Variants in EP400 observed in about 807,000 individuals in gnomAD.
The protein encoded by EP400 is E1A-binding protein p400.
Under a neutral mutation model 354.1 loss-of-function variants are expected in EP400, and 105 were observed. The observed-to-expected ratio is 0.30, with a 90% CI of 0.25 to 0.35. The LOEUF is 0.35. Ranked by LOEUF, EP400 falls within the 10% of genes least tolerant of loss-of-function variation. The probability of loss-of-function intolerance (pLI) is 1.00; values close to 1 mark genes in which losing one functional copy is unlikely to be tolerated. For synonymous variants in EP400, 1,646 were observed against 1,716.9 expected, an observed-to-expected ratio of 0.96 and a Z score of 1.02; for missense variants, 3,280 against 4,121.0, an observed-to-expected ratio of 0.80 and a Z score of 5.59.
intron 2 of EP400, among the ~76,000 whole-genome samples, chr12:131,970,030 G>C (rs891808913): frequency 3.9e-5 from 6 of 152,170 alleles, no homozygotes; most frequent in Non-Finnish European, 5.9e-5. Flanking sequence ...TTGGGTGACA[G>C]AGCAAAACTC....
chr12:131,997,399 G>T (rs1040631074), intron 12 of EP400, among the ~76,000 whole-genome samples: 2 of 151,722 alleles, frequency 1.3e-5, no homozygotes, highest in Admixed American at 6.6e-5. Context: ...CTCCCAAGTA[G>T]CTGGGACTAT....
chr12:132,059,192 A>C (rs1224279477), intron 45 of EP400, among the ~76,000 whole-genome samples: 4 of 152,190 alleles, frequency 2.6e-5, no homozygotes, highest in Non-Finnish European at 5.9e-5. Flanking sequence ...CTTGAATTCA[A>C]GTCCAAGGCT....
At chr12:132,073,307 C>T (rs947292237) in intron 51 of EP400, among the ~76,000 whole-genome samples, 2 of 151,120 alleles carry the variant, frequency 1.3e-5, no homozygotes, top group African/African-American at 2.4e-5. Flanking sequence ...TAAGTGGTTA[C>T]CCTAAAATCT....
intron 23 of EP400, among the ~76,000 whole-genome samples, chr12:132,023,299 A>ATTTTTT (rs767816284): frequency 1.8e-4 from 13 of 71,028 alleles, no homozygotes; most frequent in South Asian, 4.7e-4. Flanking sequence ...TGCCCAGCTA[A>ATTTTTT]TTTTTTTTTT....
rs756763704 is a variant in EP400, at chr12:132,077,576, T to C, written c.9275T>C (p.Val3092Ala). 6.2e-7 allele frequency: 1 copy of C among 1,613,798 alleles called. No homozygotes were observed. The highest frequency in any genetic ancestry group is 1.1e-5 in the South Asian group (1 of 91,064). Residue 3092 changes from valine (V) to alanine (A), a missense_variant, in exon 53 of 53, where the codon GTG becomes GCG. By Grantham distance (64) the Val-to-Ala change is moderately conservative. This residue lies in a region of EP400 where 279 missense variants were observed against 386.7 expected (regional missense o/e 0.72). Coordinates refer to ENST00000389561, the MANE Select transcript of EP400 (RefSeq NM_015409.5). ...CCAGGCGCTCCCAACCCAGCCCAGG[T>C]GCCCGCCAGCTCCGACAGCCCAAGC... ...QTPGAPNPAQ[V>A]PASSDSPSQQ...
chr12:131,967,655 A>C (rs566501837), intron 2 of EP400, among the ~76,000 whole-genome samples: 6 of 151,544 alleles, frequency 4.0e-5, no homozygotes, highest in African/African-American at 9.7e-5. Flanking sequence ...GCACCACTGC[A>C]CTCTAGCCTG....
Position 132,067,562 on chromosome 12 carries a change from C to G in EP400, c.8874+76C>G, listed in dbSNP as rs1895932463. ...GGCTGCTGGAGGAGAGGGTCCTAAG[C>G]AGACAAATCCCCATGTGGCGGCTCA... On this transcript the variant is annotated intron_variant, in intron 50 of 52. Transcript: ENST00000389561. The surrounding 1 kb of genome is among the most constrained non-coding windows in gnomAD (Gnocchi z 5.3). The G allele has an allele frequency of 1.9e-6, 3 of 1,542,506 alleles. No individual in the cohort carries two copies. The South Asian group carries it at 3.6e-5, about 18-fold the overall frequency.
rs1243216822 is a variant in EP400, at chr12:132,064,857, A to G, written c.8524A>G (p.Thr2842Ala). The G allele has an allele frequency of 6.2e-7, 1 of 1,610,508 alleles. No homozygotes were observed. The change falls in exon 48 of 53, where the codon ACC becomes GCC. Residue 2842 changes from threonine (T) to alanine (A), a missense_variant. Thr to Ala is a moderately conservative substitution (Grantham distance 58). This residue lies in a region of EP400 where 279 missense variants were observed against 386.7 expected (regional missense o/e 0.72). Transcript: ENST00000389561. Reference protein sequence around the residue: ...PRPGALLTGTTVANLQVARLT... With the variant: ...PRPGALLTGTAVANLQVARLT... Reference sequence around the variant, plus strand: ...GCCTGGTGCCCTGCTGACGGGCACCACCGTGGCCAACCTCCAGGTGGCCCG... The same window carrying G: ...GCCTGGTGCCCTGCTGACGGGCACCGCCGTGGCCAACCTCCAGGTGGCCCG...
intron 32 of EP400, among the ~76,000 whole-genome samples, chr12:132,039,388 G>T (rs1894820062): frequency 6.6e-6 from 1 of 152,144 alleles, no homozygotes; most frequent in Non-Finnish European, 1.5e-5. Flanking sequence ...AGCTGCATGT[G>T]CAGGCCACGG....
chr12:132,057,046 C>T (rs1895537539), intron 45 of EP400, among the ~76,000 whole-genome samples: 1 of 152,200 alleles, frequency 6.6e-6, no homozygotes, highest in Admixed American at 6.5e-5. Flanking sequence ...GTCATGGAAG[C>T]AGCGAGGACC....
intron 5 of EP400, among the ~76,000 whole-genome samples, chr12:131,984,621 C>G (rs2136495282): frequency 6.6e-6 from 1 of 152,294 alleles, no homozygotes. Flanking sequence ...CTTAAAGCAG[C>G]TCCGTGGTTT....
At chr12:131,952,489 G>T (rs1868625995) in intron 1 of EP400, among the ~76,000 whole-genome samples, 1 of 151,762 alleles carries the variant, frequency 6.6e-6, no homozygotes, top group South Asian at 2.1e-4. Context: ...TGGAGACAGG[G>T]TCTTGCTCTG....
intron 50 of EP400, chr12:132,068,850 A>G: frequency 6.5e-6 from 1 of 152,696 alleles, no homozygotes; most frequent in Non-Finnish European, 1.5e-5. Context: ...GTCCATGGGC[A>G]GACGTGGCCA....
At position 131,986,913 on chromosome 12, in the gene EP400, A is replaced by G. The variant is rs185401885; in HGVS notation, c.2223+106A>G. On this transcript the variant is annotated intron_variant, in intron 6 of 52. Coordinates refer to ENST00000389561, the MANE Select transcript of EP400 (RefSeq NM_015409.5). ...GTAAAACCGAATGCCTGGTCAATTC[A>G]GCATGGCTTGGGAATCAGTAGACAC... 19 of 1,350,470 alleles carry G rather than the reference A, an allele frequency of 1.4e-5. No individual in the cohort carries two copies. In the African/African-American group the frequency reaches 2.6e-4, roughly 19 times the overall value. 83.7% of individuals were successfully genotyped at this position (1,350,470 alleles called of 1,614,324 possible).
chr12:132,045,001 A>G, intron 37 of EP400, 48 bp downstream of exon 37: 3 of 1,604,400 alleles, frequency 1.9e-6, no homozygotes, highest in Non-Finnish European at 1.7e-6. Flanking sequence ...CCTGGCCTGC[A>G]GAATCCCTGC....
At chr12:131,991,263 G>A (rs1040718378) in intron 9 of EP400, 144 bp from the exon 10 acceptor site, 10 of 750,278 alleles carry the variant, frequency 1.3e-5, no homozygotes, top group South Asian at 3.2e-5. Flanking sequence ...ACTGCCCTGC[G>A]TGATGATGAT....
intron 45 of EP400, among the ~76,000 whole-genome samples, chr12:132,060,242 A>G (rs1246885264): frequency 1.6e-4 from 25 of 152,174 alleles, no homozygotes; most frequent in Admixed American, 1.6e-3. Flanking sequence ...AAGACATCCT[A>G]CACACAACAT....
chr12:132,007,955 T>A (rs1259869218), intron 15 of EP400, among the ~76,000 whole-genome samples: 1 of 206 alleles, frequency 4.9e-3, no homozygotes, highest in Non-Finnish European at 7.9e-3. Context: ...CGAGGGTTCT[T>A]TTTTTTTTTG....
In EP400 at chr12:132,006,239, T is replaced by A. The variant is rs1273865765; in HGVS notation, c.3063T>A (p.Ile1021=). Residue 1021 remains isoleucine, a synonymous_variant, in exon 14 of 53, where the codon ATT becomes ATA. Transcript: ENST00000389561. Reference sequence around the variant, plus strand: ...TCGGGAAGCCAAACGCCAAGGACATTGCGGACGTCACTGCGGTGGCTGAAG... The same window carrying A: ...TCGGGAAGCCAAACGCCAAGGACATAGCGGACGTCACTGCGGTGGCTGAAG... ...MNIGKPNAKD[I]ADVTAVAEAI... is the part of the protein sequence containing the mutation. 6.2e-7 allele frequency: 1 copy of A among 1,614,104 alleles called. No homozygotes were observed. The highest frequency in any genetic ancestry group is 8.5e-7 in the Non-Finnish European group (1 of 1,180,058).
Sources: gnomAD v4.1 joint callset for allele counts (sites outside exome capture counted in the v4.1 genomes callset) on GRCh38, gnomAD v4.1.1 for gene constraint, gnomAD v4.1.1 regional missense constraint, Gnocchi (gnomAD v3.1) non-coding constraint, MANE v1.5 for transcripts, NCBI Gene and HGNC (gene_info 2026-07-23, HGNC 2026-07-21) for gene names.